YOD1: variants seen among roughly 807,000 people sequenced by gnomAD.
The protein encoded by YOD1 is ubiquitin thioesterase OTU1.
A neutral mutation model predicts 23.7 loss-of-function variants in YOD1; 17 were observed. The observed-to-expected ratio is 0.72, with a 90% CI of 0.49 to 1.07. The LOEUF (loss-of-function observed/expected upper bound fraction) is 1.07, where lower values mean the gene tolerates loss of function less well. Ranked by LOEUF, YOD1 falls within the 50% of genes least tolerant of loss-of-function variation. The pLI, the probability that YOD1 is intolerant of heterozygous loss-of-function variation, is 0.00. For synonymous variants in YOD1, 191 were observed against 169.6 expected, an observed-to-expected ratio of 1.13 and a Z score of -0.98; for missense variants, 413 against 447.2, an observed-to-expected ratio of 0.92 and a Z score of 0.69.
upstream of YOD1, chr1:207,053,093 T>C (rs903000920): frequency 1.3e-5 from 2 of 152,260 alleles, no homozygotes; most frequent in African/African-American, 2.4e-5. Flanking sequence ...ACTCAGGAGC[T>C]TGTGATCTCT....
upstream of YOD1, among the ~76,000 whole-genome samples, chr1:207,052,681 CA>C (rs370278480): frequency 2.0e-5 from 3 of 151,762 alleles, no homozygotes; most frequent in East Asian, 1.9e-4. Context: ...CAAACCAAAA[CA>C]AAAAAAACTC....
In YOD1 at chr1:207,051,070, C is replaced by A; in HGVS notation, c.-40G>T. 1 of 1,465,818 alleles carries A rather than the reference C, an allele frequency of 6.8e-7. No individual in the cohort carries two copies. Among genetic ancestry groups the A allele is most frequent in the African/African-American group, 1.4e-5 (1 of 70,466 alleles). 90.8% of individuals were successfully genotyped at this position (1,465,818 alleles called of 1,614,324 possible). ...GGTGGTTGCAGTTATCGCGACGCTT[C>A]GGTGCGGCTTCTGCCTTAGTACCTT... On this transcript the variant is annotated 5_prime_UTR_variant, in exon 1 of 2. Coordinates refer to ENST00000315927, the MANE Select transcript of YOD1 (RefSeq NM_018566.4).
Position 207,049,665 on chromosome 1 carries a change from A to G in YOD1, c.402T>C (p.Thr134=). The change falls in exon 2 of 2, where the codon ACT becomes ACC. Residue 134 remains threonine, a synonymous_variant. Coordinates refer to ENST00000315927, the MANE Select transcript of YOD1 (RefSeq NM_018566.4). ...TGACGTAACTAGAAGCACCACGTTT[A>G]GTAAATGCAGGTGAACTTCTGGGCC... ...QTRPRSSPAF[T]KRGASSYVRE... is the part of the protein sequence containing the mutation. 1.9e-6 allele frequency: 3 copies of G among 1,614,216 alleles called. No homozygotes were observed. The highest frequency in any genetic ancestry group is 2.5e-6 in the Non-Finnish European group (3 of 1,180,044).
upstream of YOD1, chr1:207,052,333 G>GGTTA (rs1558055362): frequency 7.6e-6 from 8 of 1,048,768 alleles, no homozygotes; most frequent in African/African-American, 9.4e-5. Context: ...CCTGGGTTAG[G>GGTTA]GGGTAGGTAG....
rs981998701 is a variant in YOD1, at chr1:207,045,277, T to G, written c.*3743A>C. 1.3e-5 allele frequency: 2 copies of G among 152,418 alleles called. No homozygotes were observed. The highest frequency in any genetic ancestry group is 6.5e-5 in the Admixed American group (1 of 15,270). The allele number at this position is 152,418 out of a possible 1,614,324, so 9.4% of individuals were successfully genotyped here. A position where few individuals can be genotyped will look rare whatever the true frequency, so the allele number is the denominator to read the frequency against. ...CTGCATTGTATAATAATACAAGATATTCACATAATAATAAGTAACATTTTT... is the reference window on the plus strand; with the variant it reads ...CTGCATTGTATAATAATACAAGATAGTCACATAATAATAAGTAACATTTTT... On this transcript the variant is annotated 3_prime_UTR_variant, in exon 2 of 2. Coordinates refer to ENST00000315927, the MANE Select transcript of YOD1 (RefSeq NM_018566.4).
In YOD1 at chr1:207,049,725, T is replaced by C; in HGVS notation, c.344-2A>G. ...CTTCTTCAATGATCAGCATGTCACCTGTTAAAAATAAAACAAATCCCGATC... is the reference window on the plus strand; with the variant it reads ...CTTCTTCAATGATCAGCATGTCACCCGTTAAAAATAAAACAAATCCCGATC... On this transcript the variant is annotated splice_acceptor_variant, in intron 1 of 1. Transcript: ENST00000315927. LOFTEE classifies it high-confidence loss of function. The C allele has an allele frequency of 6.2e-7, 1 of 1,602,986 alleles. No individual in the cohort carries two copies. Among genetic ancestry groups the C allele is most frequent in the Non-Finnish European group, 8.5e-7 (1 of 1,175,210 alleles).
rs755970691 is a variant in YOD1, at chr1:207,050,830, G to A, written c.201C>T (p.Thr67=). Residue 67 remains threonine, a synonymous_variant, in exon 1 of 2, where the codon ACC becomes ACT. Coordinates refer to ENST00000315927, the MANE Select transcript of YOD1 (RefSeq NM_018566.4). ...THVLQGLSSR[T]RVRELQGQIA... ...TTTGGCCCTGGAGTTCCCGCACCCGGGTCCGGCTGGACAGCCCCTGCAAAA... is the reference window on the plus strand; with the variant it reads ...TTTGGCCCTGGAGTTCCCGCACCCGAGTCCGGCTGGACAGCCCCTGCAAAA... 6.2e-7 allele frequency: 1 copy of A among 1,613,078 alleles called. No homozygotes were observed. The highest frequency in any genetic ancestry group is 1.7e-5 in the Admixed American group (1 of 60,014).
rs1173265010 is a variant in YOD1 at position 207,049,207 on chromosome 1, G to A, written c.860C>T (p.Ser287Phe). The A allele has an allele frequency of 6.2e-7, 1 of 1,614,106 alleles. No homozygotes were observed. ...DPDTPPLTIF[S>F]SNDDIVLVQA... ...TACAAGAACAATATCATCATTAGAG[G>A]AGAAAATGGTCAGAGGAGGTGTATC... is the stretch of plus-strand genomic sequence containing the variant. The change falls in exon 2 of 2, where the codon TCC (serine) becomes TTC (phenylalanine). Residue 287 changes from serine (S) to phenylalanine (F), a missense_variant. Coordinates refer to ENST00000315927, the MANE Select transcript of YOD1 (RefSeq NM_018566.4).
chr1:207,052,443 C>G (rs1416815600), upstream of YOD1: 1 of 481,038 alleles, frequency 2.1e-6, no homozygotes, highest in Admixed American at 3.7e-5. Context: ...GGGTGAATCA[C>G]CCGAGGTCAG....
Position 207,050,941 on chromosome 1 carries a change from T to G in YOD1, c.90A>C (p.Lys30Asn). Residue 30 changes from lysine to asparagine, a missense_variant, in exon 1 of 2, where the codon AAA (lysine) becomes AAC (asparagine). Transcript: ENST00000315927. ...GGVSQQAAGTKAGPAGAWPVG... is the reference protein window; with the variant it reads ...GGVSQQAAGTNAGPAGAWPVG... The stretch of plus-strand genomic sequence containing the variant: ...CAGGCCAGGCACCCGCGGGGCCAGC[T>G]TTGGTCCCGGCAGCCTGTTGGGAGA... 1 of 1,579,708 alleles carries G rather than the reference T, an allele frequency of 6.3e-7. No individual in the cohort carries two copies. Among genetic ancestry groups the G allele is most frequent in the Non-Finnish European group, 8.6e-7 (1 of 1,162,184 alleles).
At position 207,050,957 on chromosome 1, in the gene YOD1, T is replaced by G; in HGVS notation, c.74A>C (p.Gln25Pro). ...GGGGCCAGCTTTGGTCCCGGCAGCC[T>G]GTTGGGAGACGCCGCCGGGGAAACC... ...APGFPGGVSQ[Q>P]AAGTKAGPAG... Residue 25 changes from glutamine (Q) to proline (P), a missense_variant, in exon 1 of 2, where the codon CAG becomes CCG. Transcript: ENST00000315927. 6.4e-7 allele frequency: 1 copy of G among 1,562,092 alleles called. No homozygotes were observed. Among genetic ancestry groups the G allele is most frequent in the Non-Finnish European group, 8.7e-7 (1 of 1,151,230 alleles).
intron 1 of YOD1, 90 bp downstream of exon 1, chr1:207,050,598 A>G (rs2102328602): frequency 1.9e-6 from 3 of 1,560,962 alleles, no homozygotes; most frequent in Non-Finnish European, 2.6e-6. Flanking sequence ...GCCGACTCAC[A>G]GCCACCTTGC....
rs1682557672 is a variant in YOD1 at position 207,044,891 on chromosome 1, C to G, written c.*4129G>C. On this transcript the variant is annotated 3_prime_UTR_variant, in exon 2 of 2. Coordinates refer to ENST00000315927, the MANE Select transcript of YOD1 (RefSeq NM_018566.4). ...TATGAATCAAGACCTAAATCAGCAC[C>G]CTACAATTCAACATCAATAATAATT... is the stretch of plus-strand genomic sequence containing the variant. 6.6e-6 allele frequency: 1 copy of G among 152,374 alleles called. No homozygotes were observed. Among genetic ancestry groups the G allele is most frequent in the Non-Finnish European group, 1.5e-5 (1 of 67,918 alleles). The allele number at this position is 152,374 out of a possible 1,614,324, so 9.4% of individuals were successfully genotyped here. A position where few individuals can be genotyped will look rare whatever the true frequency, so the allele number is the denominator to read the frequency against.
Position 207,048,212 on chromosome 1 carries a change from C to T in YOD1, c.*808G>A, listed in dbSNP as rs765307483. ...GAATTGCATTAAAACACGAGGCCAA[C>T]GGTCTTTTAAAGCTTCAGGAAGCTG... On this transcript the variant is annotated 3_prime_UTR_variant, in exon 2 of 2. Transcript: ENST00000315927. The T allele has an allele frequency of 6.6e-6, 1 of 152,606 alleles. No homozygotes were observed. Among genetic ancestry groups the T allele is most frequent in the Non-Finnish European group, 1.5e-5 (1 of 68,026 alleles). The allele number at this position is 152,606 out of a possible 1,614,324, so 9.5% of individuals were successfully genotyped here.
chr1:207,050,057 A>C (rs1682699824), intron 1 of YOD1, among the ~76,000 whole-genome samples: 2 of 152,240 alleles, frequency 1.3e-5, no homozygotes, highest in African/African-American at 4.8e-5. Flanking sequence ...ACTACAGAGT[A>C]GGCCGCTAGG....
Position 207,045,571 on chromosome 1 carries a change from A to C in YOD1, c.*3449T>G, listed in dbSNP as rs570706183. Reference sequence around the variant, plus strand: ...CACATGAAAGAACATAATTCTTAGTATGTTTAGGAAGGCCACCTGATTTGT... The same window carrying C: ...CACATGAAAGAACATAATTCTTAGTCTGTTTAGGAAGGCCACCTGATTTGT... On this transcript the variant is annotated 3_prime_UTR_variant, in exon 2 of 2. Transcript: ENST00000315927. The C allele has an allele frequency of 6.6e-6, 1 of 151,840 alleles. No individual in the cohort carries two copies. The highest frequency in any genetic ancestry group is 2.1e-4 in the South Asian group (1 of 4,806). The allele number at this position is 151,840 out of a possible 1,614,324, so 9.4% of individuals were successfully genotyped here. A position where few individuals can be genotyped will look rare whatever the true frequency, so the allele number is the denominator to read the frequency against.
At chr1:207,050,580 GC>G (rs1178261956) in intron 1 of YOD1, 107 bp downstream of exon 1, 5 of 1,469,008 alleles carry the variant, frequency 3.4e-6, no homozygotes, top group African/African-American at 1.4e-5. Context: ...TGGCCTCAAA[GC>G]CCCCCCGCCG....
At position 207,050,925 on chromosome 1, in the gene YOD1, C is replaced by A. The variant is rs545732408; in HGVS notation, c.106G>T (p.Ala36Ser). The change falls in exon 1 of 2, where the codon GCC becomes TCC. Residue 36 changes from alanine (A) to serine (S), a missense_variant. By Grantham distance (99) the Ala-to-Ser change is moderately conservative. Coordinates refer to ENST00000315927, the MANE Select transcript of YOD1 (RefSeq NM_018566.4). ...TCGGTCCGGCTGCCCACAGGCCAGG[C>A]ACCCGCGGGGCCAGCTTTGGTCCCG... ...AAGTKAGPAG[A>S]WPVGSRTDTM... The A allele has an allele frequency of 9.3e-5, 148 of 1,590,986 alleles. No individual in the cohort carries two copies. The East Asian group carries it at 1.4e-3, about 16-fold the overall frequency.
rs1478811198 is a variant in YOD1, at chr1:207,047,076, A to C, written c.*1944T>G. 1.3e-5 allele frequency: 2 copies of C among 152,502 alleles called. No homozygotes were observed. The highest frequency in any genetic ancestry group is 2.9e-5 in the Non-Finnish European group (2 of 67,928). The allele number at this position is 152,502 out of a possible 1,614,324, so 9.4% of individuals were successfully genotyped here. A position where few individuals can be genotyped will look rare whatever the true frequency, so the allele number is the denominator to read the frequency against. On this transcript the variant is annotated 3_prime_UTR_variant, in exon 2 of 2. Transcript: ENST00000315927. ...AAATTTAGTATTTTCTGGGAGAAGT[A>C]AAAAAGATACAAAACCAAAACCATC...
Sources: allele counts gnomAD v4.1 joint callset (sites outside exome capture counted in the v4.1 genomes callset), GRCh38; gene constraint gnomAD v4.1.1; transcripts MANE v1.5; gene names NCBI Gene and HGNC (gene_info 2026-07-23, HGNC 2026-07-21).